The following FGGY variants were observed in gnomAD, a reference collection of about 807,000 sequenced individuals.
FGGY encodes the protein FGGY carbohydrate kinase domain-containing protein.
Under a neutral mutation model 71.3 loss-of-function variants are expected in FGGY, and 72 were observed. The observed-to-expected ratio is 1.01, with a 90% confidence interval of 0.84 to 1.23. The LOEUF (loss-of-function observed/expected upper bound fraction) is 1.23, where lower values mean the gene tolerates loss of function less well. Among genes scored for constraint, FGGY ranks in the 50% most tolerant of loss-of-function variants. The probability of loss-of-function intolerance (pLI) is 0.00; values close to 1 mark genes in which losing one functional copy is unlikely to be tolerated. For missense variants in FGGY, 668 were observed against 682.3 expected (o/e 0.98, Z 0.23); for synonymous variants, 251 against 250.3 (o/e 1.00, Z -0.02).
intron 5 of FGGY, among the ~76,000 whole-genome samples, chr1:59,381,266 G>A (rs528634062): frequency 6.6e-6 from 1 of 152,284 alleles, no homozygotes; most frequent in Non-Finnish European, 1.5e-5. Context: ...GATTGTCTTG[G>A]CAATGTGGGC....
chr1:59,723,991 C>T (rs765753714), intron 14 of FGGY, among the ~76,000 whole-genome samples: 10 of 149,534 alleles, frequency 6.7e-5, no homozygotes, highest in East Asian at 2.0e-4. Flanking sequence ...GGCAAAACCC[C>T]GTCTCTACTA....
At chr1:59,564,383 G>A (rs1034641725) in intron 8 of FGGY, among the ~76,000 whole-genome samples, 3 of 152,164 alleles carry the variant, frequency 2.0e-5, no homozygotes, top group African/African-American at 4.8e-5. Flanking sequence ...ACCATGCTAC[G>A]TTTTTAGAGC....
chr1:59,432,103 T>A (rs2067489155), intron 5 of FGGY, among the ~76,000 whole-genome samples: 1 of 152,126 alleles, frequency 6.6e-6, no homozygotes, highest in African/African-American at 2.4e-5. Context: ...CATGCCTGTG[T>A]GATGAATCAT....
rs536965833 is a variant in FGGY, at chr1:59,481,269, A to C, written c.670+24193A>C. 2.0e-5 allele frequency among the ~76,000 whole-genome samples: 3 copies of C among 152,252 alleles called. No individual in the cohort carries two copies. In the East Asian group the frequency reaches 5.8e-4, roughly 29 times the overall value. ...TTCTTTAAATTTTTAAAAATTTTAGAATGTTAGTACTTAGAAAGAAACATT... is the reference window on the plus strand; with the variant it reads ...TTCTTTAAATTTTTAAAAATTTTAGCATGTTAGTACTTAGAAAGAAACATT... On this transcript the variant is annotated intron_variant, in intron 6 of 15. Transcript: ENST00000303721.
At chr1:59,546,532 GATGATTATT>G (rs1290303227) in intron 7 of FGGY, among the ~76,000 whole-genome samples, 14 of 102,132 alleles carry the variant, frequency 1.4e-4, no homozygotes, top group South Asian at 3.6e-4. Flanking sequence ...TGATGATGAT[GATGATTATT>G]ATTATTATTA....
intron 14 of FGGY, among the ~76,000 whole-genome samples, chr1:59,723,733 C>A (rs776209878): frequency 2.6e-5 from 4 of 152,130 alleles, no homozygotes; most frequent in Non-Finnish European, 5.9e-5. Context: ...ATGGGATCCC[C>A]CACCTCCTGA....
intron 6 of FGGY, among the ~76,000 whole-genome samples, chr1:59,507,130 G>A (rs971433241): frequency 6.6e-6 from 1 of 152,200 alleles, no homozygotes; most frequent in Non-Finnish European, 1.5e-5. Flanking sequence ...GACAGAAAAA[G>A]GGAAGTGAGG....
At chr1:59,660,105 C>CAT in intron 11 of FGGY, 114 bp from the exon 12 acceptor site, 2 of 869,816 alleles carry the variant, frequency 2.3e-6, no homozygotes, top group East Asian at 5.0e-5. Context: ...AGGGGATTTG[C>CAT]ATATGAACTT....
At chr1:59,408,674 A>T (rs2063134327) in intron 5 of FGGY, among the ~76,000 whole-genome samples, 1 of 151,902 alleles carries the variant, frequency 6.6e-6, no homozygotes, top group Non-Finnish European at 1.5e-5. Context: ...ACTTCACATC[A>T]TTTTTTTCCC....
chr1:59,349,317 A>G (rs191564830), intron 4 of FGGY, among the ~76,000 whole-genome samples: 7 of 152,202 alleles, frequency 4.6e-5, no homozygotes, highest in African/African-American at 1.7e-4. Flanking sequence ...TATATCAACA[A>G]GTTTGGATTG....
At chr1:59,361,527 C>T (rs2055515390) in intron 4 of FGGY, among the ~76,000 whole-genome samples, 1 of 152,130 alleles carries the variant, frequency 6.6e-6, no homozygotes, top group Admixed American at 6.5e-5. Flanking sequence ...CGTGGGGCTG[C>T]AAATGCAGTA....
intron 9 of FGGY, among the ~76,000 whole-genome samples, chr1:59,611,093 A>T (rs1252928154): frequency 6.6e-6 from 1 of 152,240 alleles, no homozygotes; most frequent in Non-Finnish European, 1.5e-5. Context: ...AGGGCGGGGC[A>T]TAGCTGAACA....
intron 4 of FGGY, among the ~76,000 whole-genome samples, chr1:59,356,594 TTATTATA>T (rs1322625126): frequency 1.3e-5 from 2 of 152,202 alleles, no homozygotes; most frequent in Non-Finnish European, 2.9e-5. Context: ...CATTAATAAC[TTATTATA>T]TATTTTGATG....
intron 5 of FGGY, among the ~76,000 whole-genome samples, chr1:59,448,332 T>C (rs2071802769): frequency 6.6e-6 from 1 of 152,116 alleles, no homozygotes; most frequent in Admixed American, 6.6e-5. Context: ...CTTTTTGAAA[T>C]AGGAAAGAAG....
At chr1:59,519,208 T>C (rs984110452) in intron 7 of FGGY, among the ~76,000 whole-genome samples, 1 of 152,174 alleles carries the variant, frequency 6.6e-6, no homozygotes, top group African/African-American at 2.4e-5. Context: ...CCTACCTATT[T>C]AAACATGATC....
chr1:59,510,803 C>T (rs2094500645), intron 6 of FGGY, among the ~76,000 whole-genome samples: 1 of 152,094 alleles, frequency 6.6e-6, no homozygotes, highest in African/African-American at 2.4e-5. Flanking sequence ...CGCTTAACAC[C>T]TCTCAATTCA....
At chr1:59,573,097 CA>C (rs932646098) in intron 8 of FGGY, among the ~76,000 whole-genome samples, 16 of 152,006 alleles carry the variant, frequency 1.1e-4, no homozygotes, top group African/African-American at 3.9e-4. Context: ...CTCTAGTCTT[CA>C]AAAATGCCAA....
rs1238288608 is a variant in FGGY at position 59,582,466 on chromosome 1, G to A, written c.904-25337G>A. On this transcript the variant is annotated intron_variant, in intron 8 of 15. Transcript: ENST00000303721. ...CCTGTGATGACCTCTCCAGCCTCACGTTGCACTACTACCCCTCACAGTTTC... is the reference window on the plus strand; with the variant it reads ...CCTGTGATGACCTCTCCAGCCTCACATTGCACTACTACCCCTCACAGTTTC... Among the ~76,000 whole-genome samples the A allele has an allele frequency of 7.3e-5, 11 of 149,762 alleles. No homozygotes were observed. In the East Asian group the frequency reaches 9.8e-4, roughly 13 times the overall value.
chr1:59,556,645 C>T (rs1350128225), intron 8 of FGGY, among the ~76,000 whole-genome samples: 1 of 152,178 alleles, frequency 6.6e-6, no homozygotes, highest in Non-Finnish European at 1.5e-5. Flanking sequence ...GCCCTCTGAC[C>T]TGAGTGAGCT....
Sources: allele counts gnomAD v4.1 joint callset (sites outside exome capture counted in the v4.1 genomes callset), GRCh38; gene constraint gnomAD v4.1.1; transcripts MANE v1.5; gene names NCBI Gene and HGNC (gene_info 2026-07-23, HGNC 2026-07-21).